Variants in LAMC2 observed in about 807,000 individuals in gnomAD.
LAMC2 encodes the protein laminin subunit gamma 2.
LAMC2 carries 97 observed loss-of-function variants against 140.2 expected under a neutral mutation model. The observed-to-expected ratio is 0.69, with a 90% CI of 0.59 to 0.82. LAMC2 has a LOEUF of 0.82. Among genes scored for constraint, LAMC2 ranks in the 40% least tolerant of loss-of-function variants. LAMC2 has a pLI of 0.00. For missense variants in LAMC2, 1,402 were observed against 1,476.1 expected (o/e 0.95, Z 0.82); for synonymous variants, 513 against 540.2 (o/e 0.95, Z 0.70).
chr1:183,199,393 T>G (rs1474523536), intron 1 of LAMC2, among the ~76,000 whole-genome samples: 1 of 151,662 alleles, frequency 6.6e-6, no homozygotes, highest in Non-Finnish European at 1.5e-5. Context: ...TTTCTTAGAG[T>G]CAGACTGCCT....
At chr1:183,253,227 T>G in the LAMC2 span, among the ~76,000 whole-genome samples, 1 of 148,246 alleles carries the variant, frequency 6.7e-6, no homozygotes, top group African/African-American at 2.4e-5. Context: ...CTATGTTATA[T>G]TACATATTTA....
At position 183,207,996 on chromosome 1, in the gene LAMC2, C is replaced by G; in HGVS notation, c.195C>G (p.Cys65Trp). 1.2e-6 allele frequency: 2 copies of G among 1,614,060 alleles called. No individual in the cohort carries two copies. The highest frequency in any genetic ancestry group is 1.7e-6 in the Non-Finnish European group (2 of 1,180,004). Residue 65 changes from cysteine to tryptophan, a missense_variant, in exon 2 of 23, where the codon TGC becomes TGG. Around this residue, in one of 3 missense-constraint regions of LAMC2, gnomAD observed 723 missense variants for 783.3 expected, o/e 0.92. Transcript: ENST00000264144. ...ATGACAACACTGATGGCATTCACTGCGAGAAGTGCAAGAATGGCTTTTACC... is the reference window on the plus strand; with the variant it reads ...ATGACAACACTGATGGCATTCACTGGGAGAAGTGCAAGAATGGCTTTTACC... ...NCNDNTDGIH[C>W]EKCKNGFYRH...
chr1:183,230,994 T>C lies in LAMC2; in HGVS notation c.1748T>C (p.Val583Ala), dbSNP rs758515891. Residue 583 changes from valine (V) to alanine (A), a missense_variant, in exon 12 of 23, where the codon GTA becomes GCA. This residue lies in a region of LAMC2 where 723 missense variants were observed against 783.3 expected (regional missense o/e 0.92). Transcript: ENST00000264144. ...CNCNPMGSEP[V>A]GCRSDGTCVC... ...TGTAACCCCATGGGCTCAGAGCCTG[T>C]AGGATGTCGAAGTGATGGCACCTGT... is the stretch of plus-strand genomic sequence containing the variant. The C allele has an allele frequency of 1.2e-5, 19 of 1,614,170 alleles. 1 individual carries two copies. In the South Asian group the frequency reaches 2.0e-4, roughly 17 times the overall value.
Position 183,243,496 on chromosome 1 carries a change from A to T in LAMC2, c.*96A>T. 6.7e-7 allele frequency: 1 copy of T among 1,493,672 alleles called. No homozygotes were observed. Among genetic ancestry groups the T allele is most frequent in the Non-Finnish European group, 9.3e-7 (1 of 1,073,476 alleles). 92.5% of individuals were successfully genotyped at this position (1,493,672 alleles called of 1,614,324 possible). On this transcript the variant is annotated 3_prime_UTR_variant, in exon 23 of 23. Coordinates refer to ENST00000264144, the MANE Select transcript of LAMC2 (RefSeq NM_005562.3). ...GAGTGGGTGGGATGGGGACATTTGAACATGTTTAATGGGTATGCTCAGGTC... is the reference window on the plus strand; with the variant it reads ...GAGTGGGTGGGATGGGGACATTTGATCATGTTTAATGGGTATGCTCAGGTC...
At chr1:183,241,283 T>G (rs1660131086) in intron 22 of LAMC2, 2 of 982,636 alleles carry the variant, frequency 2.0e-6, no homozygotes, top group Admixed American at 1.2e-4. Flanking sequence ...AAAGAATCAC[T>G]TGCCGATTTT....
chr1:183,204,326 G>A (rs556161664), intron 1 of LAMC2, among the ~76,000 whole-genome samples: 2 of 151,826 alleles, frequency 1.3e-5, no homozygotes, highest in African/African-American at 4.8e-5. Context: ...TGGGTATGGT[G>A]GTGCACACCT....
the LAMC2 span, among the ~76,000 whole-genome samples, chr1:183,256,029 T>G: frequency 6.6e-6 from 1 of 151,834 alleles, no homozygotes; most frequent in Non-Finnish European, 1.5e-5. Flanking sequence ...TGGGCATTCT[T>G]GCTTTATATC....
intron 1 of LAMC2, among the ~76,000 whole-genome samples, chr1:183,198,203 G>A (rs957756459): frequency 1.8e-4 from 26 of 143,916 alleles, no homozygotes; most frequent in Non-Finnish European, 2.7e-4. Flanking sequence ...GTGCAGTTTC[G>A]TGATCTCGGC....
At position 183,235,702 on chromosome 1, in the gene LAMC2, G is replaced by C. The variant is rs757795531; in HGVS notation, c.2428G>C (p.Gly810Arg). Residue 810 changes from glycine to arginine, a missense_variant, in exon 16 of 23, where the codon GGT (glycine) becomes CGT (arginine). Physicochemically the swap from Gly to Arg is moderately radical, Grantham distance 125 (BLOSUM62 -2). Around this residue, in one of 3 missense-constraint regions of LAMC2, gnomAD observed 670 missense variants for 667.2 expected, o/e 1.00. Transcript: ENST00000264144. ...CGGAAGCGGAAGCGGTAGCCCGGAC[G>C]GTGCTGTGGTGCAAGGGCTTGTGGA... ...GVGSGSGSPD[G>R]AVVQGLVEKL... 6 of 1,614,048 alleles carry C rather than the reference G, an allele frequency of 3.7e-6. No homozygotes were observed. The Admixed American group carries it at 5.0e-5, about 13-fold the overall frequency.
chr1:183,210,110 A>G (rs1050913582), intron 2 of LAMC2, among the ~76,000 whole-genome samples: 2 of 152,190 alleles, frequency 1.3e-5, no homozygotes, highest in Non-Finnish European at 1.5e-5. Flanking sequence ...CATTTCACAA[A>G]TGATGTAGCA....
chr1:183,246,400 G>A (rs1264450255), downstream of LAMC2, among the ~76,000 whole-genome samples: 1 of 151,368 alleles, frequency 6.6e-6, no homozygotes, highest in Non-Finnish European at 1.5e-5. Flanking sequence ...GCCAAGATAA[G>A]GAAGCTTTCC....
At chr1:183,254,306 A>G in the LAMC2 span, among the ~76,000 whole-genome samples, 1 of 152,066 alleles carries the variant, frequency 6.6e-6, no homozygotes, top group East Asian at 1.9e-4. Flanking sequence ...GAATCTCATA[A>G]TGCCTTTAAT....
intron 2 of LAMC2, among the ~76,000 whole-genome samples, chr1:183,213,721 A>G (rs1375439659): frequency 1.4e-5 from 2 of 145,322 alleles, no homozygotes; most frequent in Non-Finnish European, 3.0e-5. Flanking sequence ...AATCGCTTGA[A>G]CCAGGGAGGC....
Position 183,227,366 on chromosome 1 carries a change from A to G in LAMC2, c.1286-149A>G, listed in dbSNP as rs916189150. On this transcript the variant is annotated intron_variant, in intron 9 of 22. Coordinates refer to ENST00000264144, the MANE Select transcript of LAMC2 (RefSeq NM_005562.3). ...CTTGGCCATGTTTAGATTTGGTTCT[A>G]TGGGAGGGGTGAATGCCAGTGCTCA... 4.7e-5 allele frequency: 38 copies of G among 808,284 alleles called. No individual in the cohort carries two copies. The African/African-American group carries it at 5.2e-4, about 11-fold the overall frequency. 50.1% of individuals were successfully genotyped at this position (808,284 alleles called of 1,614,324 possible).
chr1:183,232,123 T>C, intron 12 of LAMC2, 64 bp from the exon 13 acceptor site: 1 of 1,576,790 alleles, frequency 6.3e-7, no homozygotes, highest in Admixed American at 1.7e-5. Flanking sequence ...GGGTACCTGG[T>C]ATTGGATGAT....
chr1:183,201,866 G>A (rs1658716342), intron 1 of LAMC2, among the ~76,000 whole-genome samples: 1 of 152,138 alleles, frequency 6.6e-6, no homozygotes, highest in Non-Finnish European at 1.5e-5. Flanking sequence ...AAAGAATTAT[G>A]GGCTGACAGG....
intron 7 of LAMC2, among the ~76,000 whole-genome samples, chr1:183,224,221 AC>A (rs1335428304): frequency 2.0e-5 from 3 of 152,190 alleles, no homozygotes; most frequent in African/African-American, 7.2e-5. Flanking sequence ...GAGAAGGGCA[AC>A]CTTCACATGT....
the LAMC2 span, among the ~76,000 whole-genome samples, chr1:183,255,228 A>G: frequency 6.6e-6 from 1 of 152,116 alleles, no homozygotes; most frequent in African/African-American, 2.4e-5. Context: ...TTGACCATAT[A>G]TGTTTGAATT....
In LAMC2 at chr1:183,235,856, C is replaced by T. The variant is rs146698521; in HGVS notation, c.2456+126C>T. The T allele has an allele frequency of 3.6e-3, 3,298 of 912,678 alleles. 17 individuals carry two copies. The highest frequency in any genetic ancestry group is 6.0e-3 in the Admixed American group (262 of 43,646). The allele number at this position is 912,678 out of a possible 1,614,324, so 56.5% of individuals were successfully genotyped here. ...ATATTATTAATGATAATAAGAGGGC[C>T]GAAATCATGGGAGTTTTACTTTGGG... On this transcript the variant is annotated intron_variant, in intron 16 of 22. Coordinates refer to ENST00000264144, the MANE Select transcript of LAMC2 (RefSeq NM_005562.3).
Sources: allele counts gnomAD v4.1 joint callset (sites outside exome capture counted in the v4.1 genomes callset), GRCh38; gene constraint gnomAD v4.1.1; regional missense constraint gnomAD v4.1.1; transcripts MANE v1.5; gene names NCBI Gene and HGNC (gene_info 2026-07-23, HGNC 2026-07-21).